Variants in LRP2 observed in about 807,000 individuals in gnomAD.
The protein encoded by LRP2 is LDL receptor related protein 2.
A neutral mutation model predicts 531.0 loss-of-function variants in LRP2; 172 were observed. The ratio of observed to expected loss-of-function variants is 0.32; its 90% confidence interval spans 0.29 to 0.37. The LOEUF is 0.37. Among genes scored for constraint, LRP2 ranks in the 10% least tolerant of loss-of-function variants. The pLI is 1.00. For missense variants in LRP2, 5,167 were observed against 5,868.3 expected (o/e 0.88, Z 3.90); for synonymous variants, 1,992 against 2,027.6 (o/e 0.98, Z 0.47).
intron 74 of LRP2, among the ~76,000 whole-genome samples, chr2:169,138,979 C>A (rs1297487399): frequency 6.6e-6 from 1 of 152,176 alleles, no homozygotes; most frequent in Non-Finnish European, 1.5e-5. Context: ...CACACAGCTG[C>A]CTTTTCACTC....
At chr2:169,361,404 C>A (rs1574290483) in intron 1 of LRP2, among the ~76,000 whole-genome samples, 1 of 142,508 alleles carries the variant, frequency 7.0e-6, no homozygotes, top group Admixed American at 7.0e-5. Context: ...CTGTCTCTCT[C>A]CTCTCTCTCC....
chr2:169,214,212 A>C (rs1688699831), intron 35 of LRP2, among the ~76,000 whole-genome samples: 1 of 152,168 alleles, frequency 6.6e-6, no homozygotes, highest in Middle Eastern at 3.2e-3. Flanking sequence ...GGGCCATTGC[A>C]CAGGAGCTGA....
chr2:169,227,986 C>T (rs1250555008), intron 31 of LRP2, among the ~76,000 whole-genome samples: 1 of 152,152 alleles, frequency 6.6e-6, no homozygotes, highest in East Asian at 1.9e-4. Context: ...CTCAGCTGCT[C>T]CACATTGCCT....
rs370717653 is a variant in LRP2, at chr2:169,143,328, T to G, written c.12989-535A>C. On this transcript the variant is annotated intron_variant, in intron 70 of 78. Transcript: ENST00000649046. ...AATTTAGAGCAATGGTTCCTCATAA[T>G]CACCTGGGAGCTATTCAAAACTATT... Among the ~76,000 whole-genome samples, 7 of 152,276 alleles carry G rather than the reference T, an allele frequency of 4.6e-5. 1 individual carries two copies. Among genetic ancestry groups the G allele is most frequent in the East Asian group, 1.9e-4 (1 of 5,178 alleles).
chr2:169,305,830 T>C (rs1223647023), intron 4 of LRP2, among the ~76,000 whole-genome samples: 1 of 152,196 alleles, frequency 6.6e-6, no homozygotes, highest in Non-Finnish European at 1.5e-5. Flanking sequence ...TATGTTTACA[T>C]ATGTTTAGCT....
At chr2:169,244,602 A>G in intron 22 of LRP2, 91 bp downstream of exon 22, 2 of 1,533,026 alleles carry the variant, frequency 1.3e-6, no homozygotes, top group Non-Finnish European at 1.8e-6. Flanking sequence ...TGAAAATTGC[A>G]TGAGCCTTAG....
At chr2:169,293,739 C>T (rs776870144) in intron 6 of LRP2, among the ~76,000 whole-genome samples, 2 of 152,146 alleles carry the variant, frequency 1.3e-5, no homozygotes, top group Non-Finnish European at 2.9e-5. Context: ...GCAGAAATTT[C>T]AAAGTAAAGA....
chr2:169,184,655 A>G (rs1172696543), intron 50 of LRP2, among the ~76,000 whole-genome samples: 5 of 152,218 alleles, frequency 3.3e-5, no homozygotes, highest in African/African-American at 1.2e-4. Context: ...AAAGACTGTC[A>G]GTTTCCATAA....
At chr2:169,192,597 T>A (rs866224980) in intron 47 of LRP2, among the ~76,000 whole-genome samples, 12 of 151,878 alleles carry the variant, frequency 7.9e-5, no homozygotes, top group African/African-American at 2.7e-4. Context: ...AATATTGGGG[T>A]GGAGAGGAAA....
At chr2:169,261,675 A>G (rs936083259) in intron 16 of LRP2, among the ~76,000 whole-genome samples, 1 of 152,138 alleles carries the variant, frequency 6.6e-6, no homozygotes, top group African/African-American at 2.4e-5. Context: ...ACAAGGAGGA[A>G]CTGGTACCAT....
At chr2:169,352,237 G>A (rs530749918) in intron 1 of LRP2, among the ~76,000 whole-genome samples, 1 of 152,226 alleles carries the variant, frequency 6.6e-6, no homozygotes, top group South Asian at 2.1e-4. Flanking sequence ...ACCAAGGTAA[G>A]AACAAAACAT....
chr2:169,244,846 C>A lies in LRP2; in HGVS notation c.3277G>T (p.Val1093Leu), dbSNP rs1016435929. 2 of 1,614,254 alleles carry A rather than the reference C, an allele frequency of 1.2e-6. No individual in the cohort carries two copies. Among genetic ancestry groups the A allele is most frequent in the Admixed American group, 1.7e-5 (1 of 60,032 alleles). The part of the protein sequence containing the change: ...HWRCDKRNDC[V>L]DGSDEHNCPT... Reference sequence around the variant, plus strand: ...CAGTTGTGCTCATCACTGCCATCCACACAGTCGTTGCGTTTGTCACAGCGC... The same window carrying A: ...CAGTTGTGCTCATCACTGCCATCCAAACAGTCGTTGCGTTTGTCACAGCGC... The change falls in exon 22 of 79, where the codon GTG becomes TTG. Residue 1093 changes from valine to leucine, a missense_variant. Val to Leu is a conservative substitution (Grantham distance 32). Coordinates refer to ENST00000649046, the MANE Select transcript of LRP2 (RefSeq NM_004525.3).
chr2:169,319,942 A>T (rs969142991), intron 2 of LRP2, among the ~76,000 whole-genome samples: 2 of 152,248 alleles, frequency 1.3e-5, no homozygotes. Context: ...GGTATGCCAT[A>T]ACATGGCCAA....
intron 3 of LRP2, among the ~76,000 whole-genome samples, chr2:169,315,962 A>C (rs1282506126): frequency 7.0e-4 from 57 of 81,996 alleles, no homozygotes; most frequent in African/African-American, 3.2e-3. Flanking sequence ...ATCTCTACAA[A>C]AAAAAAAAAA....
At chr2:169,146,710 A>C in intron 69 of LRP2, 29 bp downstream of exon 69, 1 of 1,495,640 alleles carries the variant, frequency 6.7e-7, no homozygotes, top group Non-Finnish European at 9.3e-7. Flanking sequence ...TTATTAATTT[A>C]ATATATTACT....
chr2:169,152,879 G>T lies in LRP2; in HGVS notation c.12381C>A (p.Arg4127=), dbSNP rs1370925790. Reference sequence around the variant, plus strand: ...GGTCAACTTCCTGCACAAGATTATTGCGGCCGGATTCAAAGTTGGGGATGT... The same window carrying T: ...GGTCAACTTCCTGCACAAGATTATTTCGGCCGGATTCAAAGTTGGGGATGT... ...RAYIPNFESG[R]NNLVQEVDLK... is the part of the protein sequence containing the mutation. The change falls in exon 67 of 79, where the codon CGC becomes CGA. Residue 4127 remains arginine (R), a synonymous_variant. Transcript: ENST00000649046. The T allele has an allele frequency of 1.2e-6, 2 of 1,614,014 alleles. No homozygotes were observed. Among genetic ancestry groups the T allele is most frequent in the East Asian group, 4.5e-5 (2 of 44,882 alleles).
Position 169,206,084 on chromosome 2 carries a change from T to C in LRP2, c.7495A>G (p.Asn2499Asp), listed in dbSNP as rs1688374769. 1.2e-6 allele frequency: 2 copies of C among 1,614,224 alleles called. No homozygotes were observed. Among genetic ancestry groups the C allele is most frequent in the Non-Finnish European group, 1.7e-6 (2 of 1,180,032 alleles). The change falls in exon 40 of 79, where the codon AAC becomes GAC. Residue 2499 changes from asparagine (N) to aspartate (D), a missense_variant. Physicochemically the swap from Asn to Asp is conservative, Grantham distance 23 (BLOSUM62 1). Around this residue, in one of 6 missense-constraint regions of LRP2, gnomAD observed 1,129 missense variants for 1,362.7 expected, o/e 0.83. Coordinates refer to ENST00000649046, the MANE Select transcript of LRP2 (RefSeq NM_004525.3). ...MINSMAEDGSNRTVIARVPKP... is the reference protein window; with the variant it reads ...MINSMAEDGSDRTVIARVPKP... ...GGAACGCGGGCTATCACAGTGCGGT[T>C]AGACCCATCTTCAGCCATGGAATTA...
intron 62 of LRP2, among the ~76,000 whole-genome samples, chr2:169,164,051 C>A (rs1023022952): frequency 1.3e-5 from 2 of 152,216 alleles, no homozygotes; most frequent in South Asian, 4.1e-4. Flanking sequence ...TGGTGCTATT[C>A]ATAATTCCAC....
At chr2:169,222,741 T>A (rs900694883) in intron 33 of LRP2, among the ~76,000 whole-genome samples, 16 of 151,922 alleles carry the variant, frequency 1.1e-4, no homozygotes, top group Non-Finnish European at 2.9e-5. Context: ...GTGAATGTGG[T>A]CTCTCTCTCT....
Sources: allele counts gnomAD v4.1 joint callset (sites outside exome capture counted in the v4.1 genomes callset), GRCh38; gene constraint gnomAD v4.1.1; regional missense constraint gnomAD v4.1.1; transcripts MANE v1.5; gene names NCBI Gene and HGNC (gene_info 2026-07-23, HGNC 2026-07-21).